MROH7: variants seen among roughly 807,000 people sequenced by gnomAD.
MROH7 encodes maestro heat like repeat family member 7.
In MROH7, 113 loss-of-function variants were observed where a neutral mutation model predicts 129.2. The observed-to-expected ratio is 0.87, with a 90% confidence interval of 0.75 to 1.02. The LOEUF (loss-of-function observed/expected upper bound fraction) is 1.02. Among genes scored for constraint, MROH7 ranks in the 50% least tolerant of loss-of-function variants. MROH7 has a pLI of 0.00. For synonymous variants in MROH7, 655 were observed against 667.9 expected (o/e 0.98, Z 0.30); for missense variants, 1,601 against 1,671.3 (o/e 0.96, Z 0.73).
intron 17 of MROH7, chr1:54,698,102 C>T (rs773521103): frequency 7.6e-5 from 13 of 171,904 alleles, no homozygotes; most frequent in South Asian, 1.8e-4. Context: ...TCGTCCCCTC[C>T]GCCCCGGCTT....
chr1:54,702,590 C>T, intron 20 of MROH7, 33 bp from the exon 21 acceptor site: 1 of 1,529,586 alleles, frequency 6.5e-7, no homozygotes, highest in Non-Finnish European at 8.8e-7. Context: ...TGGCTGTCCA[C>T]AGTTCTGATA....
intron 1 of MROH7, among the ~76,000 whole-genome samples, chr1:54,650,068 T>C (rs562378334): frequency 6.6e-6 from 1 of 152,314 alleles, no homozygotes; most frequent in African/African-American, 2.4e-5. Context: ...CTGAGTGCCT[T>C]ATTCCTTTCT....
intron 3 of MROH7, among the ~76,000 whole-genome samples, chr1:54,661,604 GTTTA>G (rs1227744390): frequency 6.8e-6 from 1 of 147,312 alleles, no homozygotes; most frequent in Admixed American, 6.7e-5. Flanking sequence ...TTGTTTGTTT[GTTTA>G]TTTTGAGACA....
rs150417967 is a variant in MROH7 at position 54,677,875 on chromosome 1, G to A, written c.1937-867G>A. ...CCTCCTTTGGTGAGAGTACCTTCTC[G>A]TTGTCGGGAGATAAGATAGTAAACA... On this transcript the variant is annotated intron_variant, in intron 10 of 23. Coordinates refer to ENST00000421030, the MANE Select transcript of MROH7 (RefSeq NM_001039464.4). 2.3e-3 allele frequency among the ~76,000 whole-genome samples: 347 copies of A among 152,290 alleles called. 1 individual carries two copies. Among genetic ancestry groups the A allele is most frequent in the African/African-American group, 7.9e-3 (329 of 41,550 alleles).
rs1307206510 is a variant in MROH7, at chr1:54,665,193, C to T, written c.1258C>T (p.Leu420=). The T allele has an allele frequency of 6.2e-7, 1 of 1,613,880 alleles. No individual in the cohort carries two copies. The highest frequency in any genetic ancestry group is 8.5e-7 in the Non-Finnish European group (1 of 1,179,914). Residue 420 remains leucine (L), a synonymous_variant, in exon 4 of 24, where the codon CTG becomes TTG. Transcript: ENST00000421030. ...EGAFDEVTSC[L]VKVPEKTEGG... ...AGCCTTTGATGAAGTGACCTCATGCCTGGTGAAGGTGCCAGAGAAGACAGA... is the reference window on the plus strand; with the variant it reads ...AGCCTTTGATGAAGTGACCTCATGCTTGGTGAAGGTGCCAGAGAAGACAGA...
chr1:54,665,618 G>C (rs1644801716), intron 4 of MROH7: 1 of 171,772 alleles, frequency 5.8e-6, no homozygotes, highest in South Asian at 1.4e-4. Flanking sequence ...GGACAGTCAG[G>C]CCCAACCCAG....
At chr1:54,676,115 T>G (rs1312506775) in intron 10 of MROH7, among the ~76,000 whole-genome samples, 1 of 152,260 alleles carries the variant, frequency 6.6e-6, no homozygotes, top group Admixed American at 6.5e-5. Context: ...TAAAAATGAT[T>G]TGTTTATCTG....
At position 54,663,495 on chromosome 1, in the gene MROH7, C is replaced by T. The variant is rs547993598; in HGVS notation, c.1232-1672C>T. Among the ~76,000 whole-genome samples the T allele has an allele frequency of 3.4e-4, 51 of 152,220 alleles. No individual in the cohort carries two copies. In the South Asian group the frequency reaches 5.2e-3, roughly 15 times the overall value. On this transcript the variant is annotated intron_variant, in intron 3 of 23. Transcript: ENST00000421030. ...TCAAGCGATTCTCCTGCCTCAGCCT[C>T]CCTAGTAGCTGTGATTATAGGTGTG...
At position 54,674,163 on chromosome 1, in the gene MROH7, C is replaced by T. The variant is rs533213383; in HGVS notation, c.1936+12C>T. 5.2e-5 allele frequency: 83 copies of T among 1,609,210 alleles called. No individual in the cohort carries two copies. The highest frequency in any genetic ancestry group is 1.7e-4 in the Middle Eastern group (1 of 5,908). Reference sequence around the variant, plus strand: ...GGAGCTCCAAAAACGTAAGCCCTATCGGAGTACTTCTGAAGGAAGTCTTCT... The same window carrying T: ...GGAGCTCCAAAAACGTAAGCCCTATTGGAGTACTTCTGAAGGAAGTCTTCT... On this transcript the variant is annotated intron_variant, in intron 10 of 23. Coordinates refer to ENST00000421030, the MANE Select transcript of MROH7 (RefSeq NM_001039464.4).
At chr1:54,680,686 G>A (rs531389147) in intron 13 of MROH7, among the ~76,000 whole-genome samples, 137 of 152,292 alleles carry the variant, frequency 9.0e-4, no homozygotes, top group African/African-American at 1.9e-4. Context: ...GGTCAGTCTG[G>A]CCTCAGCCTC....
At chr1:54,667,953 G>A (rs560869836) in intron 4 of MROH7, among the ~76,000 whole-genome samples, 1 of 152,148 alleles carries the variant, frequency 6.6e-6, no homozygotes, top group Non-Finnish European at 1.5e-5. Flanking sequence ...AATTGGAAAG[G>A]CCCAATTTCT....
intron 5 of MROH7, among the ~76,000 whole-genome samples, chr1:54,669,802 C>T (rs576113658): frequency 6.6e-6 from 1 of 151,884 alleles, no homozygotes; most frequent in Non-Finnish European, 1.5e-5. Flanking sequence ...GAGTTCGAGA[C>T]AAGCCTGACC....
At chr1:54,663,913 C>T in intron 3 of MROH7, 1 of 360,134 alleles carries the variant, frequency 2.8e-6, no homozygotes, top group Non-Finnish European at 5.4e-6. Flanking sequence ...CTTCTCCATC[C>T]TCCAGCGTCC....
At chr1:54,698,089 C>T (rs74071891) in intron 17 of MROH7, 246 of 178,262 alleles carry the variant, frequency 1.4e-3, no homozygotes, top group African/African-American at 5.6e-3. Flanking sequence ...GCCCCTTTCA[C>T]CCTCGTCCCC....
intron 10 of MROH7, 54 bp from the exon 11 acceptor site, chr1:54,678,688 T>C: frequency 7.8e-7 from 1 of 1,277,586 alleles, no homozygotes; most frequent in South Asian, 1.2e-5. Flanking sequence ...CCTACATGTA[T>C]GTTTAACAAA....
chr1:54,643,639 A>C (rs1644420040), intron 1 of MROH7, among the ~76,000 whole-genome samples: 1 of 152,218 alleles, frequency 6.6e-6, no homozygotes, highest in African/African-American at 2.4e-5. Flanking sequence ...TACAAAGCAG[A>C]GTCTCTGAGA....
At position 54,702,747 on chromosome 1, in the gene MROH7, T is replaced by TGA; in HGVS notation, c.3564+4_3564+5dup. 1 of 1,612,354 alleles carries TGA rather than the reference T, an allele frequency of 6.2e-7. No individual in the cohort carries two copies. The highest frequency in any genetic ancestry group is 1.3e-5 in the African/African-American group (1 of 74,952). ...GTGGCCAAAATTTGCAAGTGCCTTGTGAGTGCTCCCAGAGAGTAGAGTGGT... is the reference window on the plus strand; with the variant it reads ...GTGGCCAAAATTTGCAAGTGCCTTGTGAGAGTGCTCCCAGAGAGTAGAGTGGT... On this transcript the variant is annotated splice_region_variant and intron_variant, in intron 21 of 23. Transcript: ENST00000421030.
At chr1:54,665,064 G>T (rs899980978) in intron 3 of MROH7, 103 bp from the exon 4 acceptor site, 1 of 786,442 alleles carries the variant, frequency 1.3e-6, no homozygotes, top group Non-Finnish European at 2.1e-6. Flanking sequence ...CTGGGGTGGG[G>T]TAAGGATTGG....
chr1:54,692,333 G>C (rs186334191), intron 15 of MROH7, 91 bp from the exon 16 acceptor site: 2 of 1,519,588 alleles, frequency 1.3e-6, no homozygotes, highest in South Asian at 1.3e-5. Flanking sequence ...GAAGTTTGTC[G>C]GGCCAGATGG....
Sources: gnomAD v4.1 joint callset for allele counts (sites outside exome capture counted in the v4.1 genomes callset) on GRCh38, gnomAD v4.1.1 for gene constraint, MANE v1.5 for transcripts, NCBI Gene and HGNC (gene_info 2026-07-23, HGNC 2026-07-21) for gene names.